The following DOCK3 variants were observed in gnomAD, a reference collection of about 807,000 sequenced individuals.
DOCK3 encodes dedicator of cytokinesis 3.
A neutral mutation model predicts 265.6 loss-of-function variants in DOCK3; 60 were observed. That is an observed-to-expected ratio of 0.23 (90% CI 0.18 to 0.28). DOCK3 has a LOEUF of 0.28. DOCK3 is among the 10% of genes least tolerant of loss of function. The pLI, the probability that DOCK3 is intolerant of heterozygous loss-of-function variation, is 1.00. For missense variants in DOCK3, 1,981 were observed against 2,594.3 expected (o/e 0.76, Z 5.14); for synonymous variants, 881 against 938.0 (o/e 0.94, Z 1.11).
intron 27 of DOCK3, among the ~76,000 whole-genome samples, chr3:51,297,241 A>G (rs1456494014): frequency 6.6e-6 from 1 of 152,040 alleles, no homozygotes; most frequent in African/African-American, 2.4e-5. Flanking sequence ...AAACTATGAA[A>G]CTCTTGGAAG....
At chr3:51,077,763 T>G (rs558095529) in intron 7 of DOCK3, among the ~76,000 whole-genome samples, 1 of 152,344 alleles carries the variant, frequency 6.6e-6, no homozygotes, top group South Asian at 2.1e-4. Context: ...GGATTCCTTT[T>G]AGACATCCCA....
intron 12 of DOCK3, among the ~76,000 whole-genome samples, chr3:51,195,068 G>T (rs1255202028): frequency 6.6e-6 from 1 of 151,794 alleles, no homozygotes; most frequent in African/African-American, 2.4e-5. Context: ...CTCATGATCC[G>T]CCCACCTTGA....
At chr3:51,139,187 T>G (rs947443340) in intron 9 of DOCK3, among the ~76,000 whole-genome samples, 2 of 151,408 alleles carry the variant, frequency 1.3e-5, no homozygotes, top group African/African-American at 4.9e-5. Context: ...GCCTAGAAAT[T>G]GCACACATCA....
At chr3:50,926,227 A>G (rs1425547916) in intron 4 of DOCK3, among the ~76,000 whole-genome samples, 1 of 152,090 alleles carries the variant, frequency 6.6e-6, no homozygotes, top group Non-Finnish European at 1.5e-5. Flanking sequence ...AGATAATTCC[A>G]ATTCATGTAA....
intron 1 of DOCK3, among the ~76,000 whole-genome samples, chr3:50,678,214 G>A (rs1002904585): frequency 2.6e-5 from 4 of 151,940 alleles, no homozygotes; most frequent in South Asian, 2.1e-4. Context: ...CCGTTCGCCC[G>A]TGTTTTGACT....
intron 33 of DOCK3, among the ~76,000 whole-genome samples, chr3:51,330,616 T>C (rs1032268621): frequency 1.3e-5 from 2 of 152,174 alleles, no homozygotes; most frequent in African/African-American, 4.8e-5. Flanking sequence ...TGCCCTGCTT[T>C]GTAAGGTAGT....
chr3:51,109,621 A>G (rs1453841138), intron 9 of DOCK3, among the ~76,000 whole-genome samples: 1 of 152,162 alleles, frequency 6.6e-6, no homozygotes, highest in African/African-American at 2.4e-5. Context: ...AGCTAGACTA[A>G]TAAGAAAAGA....
intron 12 of DOCK3, among the ~76,000 whole-genome samples, chr3:51,182,779 C>G (rs1439296638): frequency 9.2e-5 from 14 of 152,184 alleles, no homozygotes; most frequent in Admixed American, 9.2e-4. Flanking sequence ...AACAGATGCT[C>G]TCTAAAATTC....
chr3:50,777,195 A>G (rs2041653870), intron 1 of DOCK3, among the ~76,000 whole-genome samples: 1 of 152,082 alleles, frequency 6.6e-6, no homozygotes, highest in Admixed American at 6.6e-5. Context: ...GCCAAACCAT[A>G]TCAGTGTTTT....
At position 51,338,982 on chromosome 3, in the gene DOCK3, C is replaced by T. The variant is rs1354109421; in HGVS notation, c.3720C>T (p.Tyr1240=). 6 of 1,610,484 alleles carry T rather than the reference C, an allele frequency of 3.7e-6. No individual in the cohort carries two copies. In the East Asian group the frequency reaches 1.1e-4, roughly 30 times the overall value. ...ACAAGGAAGAAATGTATATCCGCTA[C>T]ATCCATAAGCTTTGTGACATGCACT... The part of the protein sequence containing the change: ...EINKEEMYIR[Y]IHKLCDMHLQ... The change falls in exon 37 of 53, where the codon TAC becomes TAT. Residue 1240 remains tyrosine (Y), a synonymous_variant. Transcript: ENST00000266037.
intron 2 of DOCK3, among the ~76,000 whole-genome samples, chr3:50,804,177 G>A (rs1281367370): frequency 1.3e-5 from 2 of 151,074 alleles, no homozygotes; most frequent in African/African-American, 4.9e-5. Context: ...CATCTCAGAT[G>A]ATGGGCGGCC....
chr3:51,162,206 A>G (rs752841487), intron 12 of DOCK3, among the ~76,000 whole-genome samples: 1 of 152,222 alleles, frequency 6.6e-6, no homozygotes, highest in Non-Finnish European at 1.5e-5. Flanking sequence ...CTTCACCATA[A>G]TATCGTATAG....
intron 2 of DOCK3, among the ~76,000 whole-genome samples, chr3:50,791,355 C>T (rs747864176): frequency 3.3e-5 from 5 of 150,940 alleles, no homozygotes; most frequent in African/African-American, 4.9e-5. Context: ...CCTCTGCCTC[C>T]CGGGTTCAAG....
chr3:50,747,615 G>C (rs190806634), intron 1 of DOCK3, among the ~76,000 whole-genome samples: 1 of 152,292 alleles, frequency 6.6e-6, no homozygotes, highest in South Asian at 2.1e-4. Flanking sequence ...TGCAATCCCA[G>C]CACTTTGGGA....
At chr3:51,309,766 T>A (rs1406979305) in intron 27 of DOCK3, among the ~76,000 whole-genome samples, 1 of 152,264 alleles carries the variant, frequency 6.6e-6, no homozygotes, top group African/African-American at 2.4e-5. Flanking sequence ...ATTGCTTTCA[T>A]GGACAAGCAG....
intron 6 of DOCK3, among the ~76,000 whole-genome samples, chr3:51,068,175 G>A (rs142006692): frequency 3.9e-5 from 6 of 152,290 alleles, no homozygotes; most frequent in Non-Finnish European, 8.8e-5. Flanking sequence ...TATTAGTAGT[G>A]TATTGATTAA....
At chr3:51,092,109 GAGTTTGTTTTTCTCC>G (rs1462246219) in intron 9 of DOCK3, among the ~76,000 whole-genome samples, 2 of 152,142 alleles carry the variant, frequency 1.3e-5, no homozygotes, top group Non-Finnish European at 2.9e-5. Flanking sequence ...CTAGCTGCAG[GAGTTTGTTTTTCTCC>G]ATAACCCATT....
intron 1 of DOCK3, among the ~76,000 whole-genome samples, chr3:50,723,198 G>C (rs930217552): frequency 2.6e-5 from 4 of 152,114 alleles, no homozygotes; most frequent in Admixed American, 6.5e-5. Flanking sequence ...AGGAAAATAT[G>C]AAGCAGTCTA....
At chr3:51,369,147 C>G (rs577301996) in intron 49 of DOCK3, among the ~76,000 whole-genome samples, 4 of 152,222 alleles carry the variant, frequency 2.6e-5, no homozygotes, top group African/African-American at 9.6e-5. Context: ...TCCAAAGGAA[C>G]GCAGCTCCTC....
Sources: allele counts gnomAD v4.1 joint callset (sites outside exome capture counted in the v4.1 genomes callset), GRCh38; gene constraint gnomAD v4.1.1; transcripts MANE v1.5; gene names NCBI Gene and HGNC (gene_info 2026-07-23, HGNC 2026-07-21).